DOCK9: variants seen among roughly 807,000 people sequenced by gnomAD.
DOCK9 encodes the protein dedicator of cytokinesis 9, also known as dedicator of cytokinesis protein 9.
DOCK9 carries 89 observed loss-of-function variants against 263.3 expected under a neutral mutation model. The observed-to-expected ratio is 0.34, with a 90% CI of 0.28 to 0.40. The LOEUF (loss-of-function observed/expected upper bound fraction) is 0.40. Ranked by LOEUF, DOCK9 falls within the 10% of genes least tolerant of loss-of-function variation. The probability of loss-of-function intolerance (pLI) is 1.00; values close to 1 mark genes in which losing one functional copy is unlikely to be tolerated. For synonymous variants in DOCK9, 976 were observed against 973.1 expected (o/e 1.00, Z -0.06); for missense variants, 2,140 against 2,603.4 (o/e 0.82, Z 3.87).
rs1312555075 is a variant in DOCK9, at chr13:98,995,747, C to T, written c.130-40196G>A. Among the ~76,000 whole-genome samples the T allele has an allele frequency of 3.3e-5, 5 of 152,044 alleles. No individual in the cohort carries two copies. The South Asian group carries it at 1.0e-3, about 32-fold the overall frequency. Reference sequence around the variant, plus strand: ...TTGTGATCCGCCCGTCTAGGCCTCCCAAAGTGCTGGGATTACAGGTGTGAG... The same window carrying T: ...TTGTGATCCGCCCGTCTAGGCCTCCTAAAGTGCTGGGATTACAGGTGTGAG... On this transcript the variant is annotated intron_variant, in intron 1 of 32. Coordinates refer to the DOCK9 transcript ENST00000427887.
intron 1 of DOCK9, among the ~76,000 whole-genome samples, chr13:99,003,058 T>C (rs193070795): frequency 3.9e-5 from 6 of 152,290 alleles, no homozygotes; most frequent in Admixed American, 2.6e-4. Context: ...AATGGTTTTA[T>C]TCAATGATCA....
In DOCK9 at chr13:98,825,995, G is replaced by A. The variant is rs376893239; in HGVS notation, c.5023+835C>T. On this transcript the variant is annotated intron_variant, in intron 44 of 52. Coordinates refer to ENST00000682017, the MANE Select transcript of DOCK9 (RefSeq NM_001366683.2). This position sits in a 1 kb window ranked among gnomAD's most constrained non-coding sequence, Gnocchi z 4.1. ...AAAGGTCTCAACAGGAAATAGTACC[G>A]GTATTAAATGAACATGGAGCCCTTT... 1.2e-5 allele frequency: 16 copies of A among 1,362,670 alleles called. No individual in the cohort carries two copies. Among genetic ancestry groups the A allele is most frequent in the South Asian group, 3.6e-5 (2 of 55,060 alleles). 84.4% of individuals were successfully genotyped at this position (1,362,670 alleles called of 1,614,324 possible). A position where few individuals can be genotyped will look rare whatever the true frequency, so the allele number is the denominator to read the frequency against.
intron 2 of DOCK9, among the ~76,000 whole-genome samples, chr13:98,936,583 G>A (rs1417509820): frequency 6.7e-6 from 1 of 149,112 alleles, no homozygotes. Context: ...CTAGGCCACT[G>A]TACTACAGCC....
chr13:98,824,584 T>G, intron 44 of DOCK9, 80 bp from the exon 45 acceptor site: 1 of 1,255,080 alleles, frequency 8.0e-7, no homozygotes, highest in South Asian at 1.2e-5. Flanking sequence ...CTGCCCTGTG[T>G]GTTTCTGTGT....
At position 98,853,748 on chromosome 13, in the gene DOCK9, G is replaced by A. The variant is rs549901354; in HGVS notation, c.3832-226C>T. On this transcript the variant is annotated intron_variant, in intron 34 of 52. Transcript: ENST00000682017. ...GCTTGTCTCCTCAGCACGCTCTCCT[G>A]AGGGACAAGCAGAAGGCACAGACCT... is the stretch of plus-strand genomic sequence containing the variant. Among the ~76,000 whole-genome samples the A allele has an allele frequency of 5.3e-5, 8 of 152,222 alleles. No individual in the cohort carries two copies. The South Asian group carries it at 1.7e-3, about 32-fold the overall frequency.
chr13:99,031,359 C>T (rs1253005239), intron 1 of DOCK9, among the ~76,000 whole-genome samples: 1 of 152,240 alleles, frequency 6.6e-6, no homozygotes, highest in Non-Finnish European at 1.5e-5. Context: ...TGACCAAAGT[C>T]ACCCAGCTGG....
chr13:99,021,962 C>T (rs1467125808), intron 1 of DOCK9, among the ~76,000 whole-genome samples: 3 of 151,832 alleles, frequency 2.0e-5, no homozygotes, highest in Admixed American at 2.0e-4. Flanking sequence ...ACATGTATCC[C>T]AGAACTTAAA....
rs565000136 is a variant in DOCK9 at position 98,884,896 on chromosome 13, T to G, written c.2382+75A>C. On this transcript the variant is annotated intron_variant, in intron 21 of 52. Transcript: ENST00000682017. Reference sequence around the variant, plus strand: ...GCAAAAATACTGTTTGCTTTTTGTGTGTTATTGTTGTTTTAGTTGTTCTTT... The same window carrying G: ...GCAAAAATACTGTTTGCTTTTTGTGGGTTATTGTTGTTTTAGTTGTTCTTT... The G allele has an allele frequency of 4.1e-4, 603 of 1,476,520 alleles. 2 individuals are homozygous for G. Among genetic ancestry groups the G allele is most frequent in the Non-Finnish European group, 4.7e-4 (508 of 1,088,620 alleles). The allele number at this position is 1,476,520 out of a possible 1,614,324, so 91.5% of individuals were successfully genotyped here.
At chr13:98,995,106 T>G (rs1339686612) in intron 1 of DOCK9, among the ~76,000 whole-genome samples, 9 of 152,216 alleles carry the variant, frequency 5.9e-5, no homozygotes, top group South Asian at 4.1e-4. Flanking sequence ...GATAGACACA[T>G]GTGCAGGCCC....
At chr13:98,970,481 G>T (rs2059629084) in intron 1 of DOCK9, among the ~76,000 whole-genome samples, 1 of 152,226 alleles carries the variant, frequency 6.6e-6, no homozygotes, top group African/African-American at 2.4e-5. Context: ...AGTGCCAAGT[G>T]AGCCTCCTGT....
intron 1 of DOCK9, among the ~76,000 whole-genome samples, chr13:98,974,182 G>A (rs1229822137): frequency 2.6e-5 from 4 of 151,872 alleles, no homozygotes; most frequent in Admixed American, 1.3e-4. Flanking sequence ...GCGGGTAGGG[G>A]GTAAAAATAG....
chr13:99,034,553 T>C (rs1179901855), intron 1 of DOCK9, among the ~76,000 whole-genome samples: 1 of 152,124 alleles, frequency 6.6e-6, no homozygotes, highest in Non-Finnish European at 1.5e-5. Context: ...CTGCAAAACA[T>C]GGATAATGGC....
chr13:98,852,295 G>A (rs2093596380), intron 35 of DOCK9, among the ~76,000 whole-genome samples: 1 of 152,120 alleles, frequency 6.6e-6, no homozygotes, highest in African/African-American at 2.4e-5. Flanking sequence ...GGAAACTCTT[G>A]CTCGTCTGTT....
Position 98,871,031 on chromosome 13 carries a change from T to C in DOCK9, c.2944-2654A>G, listed in dbSNP as rs544266323. ...GAAGCAGACAAACCCAACTATAGGATGACATTTTTGAGACACCTGGGGAAA... is the reference window on the plus strand; with the variant it reads ...GAAGCAGACAAACCCAACTATAGGACGACATTTTTGAGACACCTGGGGAAA... On this transcript the variant is annotated intron_variant, in intron 27 of 52. Transcript: ENST00000682017. 2.0e-5 allele frequency among the ~76,000 whole-genome samples: 3 copies of C among 152,284 alleles called. No homozygotes were observed. In the East Asian group the frequency reaches 5.8e-4, roughly 29 times the overall value.
chr13:98,923,549 G>C (rs895111916), intron 4 of DOCK9, among the ~76,000 whole-genome samples, 178 bp from the exon 5 acceptor site: 60 of 152,170 alleles, frequency 3.9e-4, no homozygotes, highest in African/African-American at 1.4e-3. Context: ...TAAGCCAAGA[G>C]ACTTGAGTAA....
At chr13:98,979,199 T>C (rs191097327), upstream of DOCK9, among the ~76,000 whole-genome samples, 305 of 125,868 alleles carry the variant, frequency 2.4e-3, no homozygotes, top group Non-Finnish European at 4.6e-3. Context: ...GTAGTAGTAG[T>C]AGTAGTAGTA....
At chr13:99,080,390 G>A (rs1357741297) in intron 1 of DOCK9, among the ~76,000 whole-genome samples, 2 of 152,104 alleles carry the variant, frequency 1.3e-5, no homozygotes, top group Admixed American at 1.3e-4. Context: ...GTCTCTCTAG[G>A]AAGCATATGT....
At position 98,977,770 on chromosome 13, in the gene DOCK9, C is replaced by G. The variant is rs374603333; in HGVS notation, c.126+14G>C. 3 of 1,610,736 alleles carry G rather than the reference C, an allele frequency of 1.9e-6. No individual in the cohort carries two copies. The highest frequency in any genetic ancestry group is 2.7e-5 in the African/African-American group (2 of 74,874). On this transcript the variant is annotated intron_variant, in intron 1 of 52. Transcript: ENST00000682017. Reference sequence around the variant, plus strand: ...TGGGTAGACACAGCAACACTTTGTACGAGACCCTCTTACCGGCACAGGGCC... The same window carrying G: ...TGGGTAGACACAGCAACACTTTGTAGGAGACCCTCTTACCGGCACAGGGCC...
At chr13:98,946,796 C>G (rs772193995) in intron 2 of DOCK9, among the ~76,000 whole-genome samples, 4 of 152,112 alleles carry the variant, frequency 2.6e-5, no homozygotes, top group Non-Finnish European at 5.9e-5. Context: ...ACTTCTTTAC[C>G]CCTTCCTGGT....
Sources: gnomAD v4.1 joint callset for allele counts (sites outside exome capture counted in the v4.1 genomes callset) on GRCh38, gnomAD v4.1.1 for gene constraint, Gnocchi (gnomAD v3.1) non-coding constraint, MANE v1.5 for transcripts, NCBI Gene and HGNC (gene_info 2026-07-23, HGNC 2026-07-21) for gene names.